Variants in CADPS observed in about 807,000 individuals in gnomAD.
CADPS encodes the protein calcium dependent secretion activator.
Under a neutral mutation model 167.3 loss-of-function variants are expected in CADPS, and 57 were observed. That is an observed-to-expected ratio of 0.34 (90% CI 0.28 to 0.42). The LOEUF (loss-of-function observed/expected upper bound fraction) is 0.42. Ranked by LOEUF, CADPS falls within the 20% of genes least tolerant of loss-of-function variation. CADPS has a pLI of 1.00. For synonymous variants in CADPS, 676 were observed against 635.3 expected (o/e 1.06, Z -0.96); for missense variants, 1,414 against 1,738.1 (o/e 0.81, Z 3.32).
At chr3:62,871,861 T>C (rs1365239054) in intron 1 of CADPS, among the ~76,000 whole-genome samples, 1 of 152,192 alleles carries the variant, frequency 6.6e-6, no homozygotes, top group Non-Finnish European at 1.5e-5. Flanking sequence ...GAACTCTCTG[T>C]ACCGTATATC....
At chr3:62,768,458 T>C (rs2087542021) in intron 1 of CADPS, among the ~76,000 whole-genome samples, 1 of 152,200 alleles carries the variant, frequency 6.6e-6, no homozygotes, top group Non-Finnish European at 1.5e-5. Context: ...GCACATACCA[T>C]ATGAATGATC....
At chr3:62,734,848 C>A (rs1052541955) in intron 3 of CADPS, among the ~76,000 whole-genome samples, 2 of 152,258 alleles carry the variant, frequency 1.3e-5, no homozygotes, top group Non-Finnish European at 1.5e-5. Context: ...TTATCCTCCC[C>A]ATAGCAATGT....
At chr3:62,621,353 C>A (rs1275451563) in intron 6 of CADPS, among the ~76,000 whole-genome samples, 2 of 152,020 alleles carry the variant, frequency 1.3e-5, no homozygotes, top group African/African-American at 4.8e-5. Context: ...GAACATCCAC[C>A]TTCAAGGAAT....
At chr3:62,471,144 T>C (rs1018909157) in intron 24 of CADPS, among the ~76,000 whole-genome samples, 2 of 152,286 alleles carry the variant, frequency 1.3e-5, no homozygotes, top group Middle Eastern at 3.4e-3. Context: ...CAGCAAATGA[T>C]GACACATCGT....
At chr3:62,451,251 CT>C (rs1482632213) in intron 26 of CADPS, among the ~76,000 whole-genome samples, 1 of 152,074 alleles carries the variant, frequency 6.6e-6, no homozygotes, top group African/African-American at 2.4e-5. Context: ...CCAAGGTAAT[CT>C]TTTCATTGAG....
intron 6 of CADPS, among the ~76,000 whole-genome samples, chr3:62,617,970 A>G (rs1437484134): frequency 6.6e-6 from 1 of 152,032 alleles, no homozygotes; most frequent in African/African-American, 2.4e-5. Flanking sequence ...CTTGGTACAC[A>G]TGGTTTGGGT....
intron 6 of CADPS, among the ~76,000 whole-genome samples, chr3:62,638,204 T>C (rs1434401716): frequency 1.3e-5 from 2 of 152,000 alleles, no homozygotes. Context: ...GCTCTGGCTC[T>C]CAATTTTGTA....
At chr3:62,616,788 T>G (rs2062382978) in intron 6 of CADPS, among the ~76,000 whole-genome samples, 1 of 152,204 alleles carries the variant, frequency 6.6e-6, no homozygotes, top group Non-Finnish European at 1.5e-5. Context: ...TCACCAAGGC[T>G]GAGGAAAGTT....
intron 13 of CADPS, among the ~76,000 whole-genome samples, chr3:62,520,315 A>G (rs1218982679): frequency 1.3e-5 from 2 of 152,212 alleles, no homozygotes. Flanking sequence ...CATTTAGTGT[A>G]TGCTTGGCCT....
At chr3:62,871,363 G>A (rs1042835715) in intron 1 of CADPS, among the ~76,000 whole-genome samples, 4 of 152,056 alleles carry the variant, frequency 2.6e-5, no homozygotes, top group Admixed American at 2.6e-4. Flanking sequence ...TTATACTTAA[G>A]CATCCACTTT....
At chr3:62,676,378 T>C (rs1443764100) in intron 3 of CADPS, among the ~76,000 whole-genome samples, 1 of 152,244 alleles carries the variant, frequency 6.6e-6, no homozygotes, top group East Asian at 1.9e-4. Flanking sequence ...ACTGTCAATA[T>C]CCTAACATGG....
intron 1 of CADPS, among the ~76,000 whole-genome samples, chr3:62,776,681 G>A (rs950249736): frequency 1.3e-5 from 2 of 151,942 alleles, no homozygotes; most frequent in African/African-American, 2.4e-5. Context: ...AACAACAAAA[G>A]CATGCAGAAT....
chr3:62,435,977 TAATTAATTA>T (rs1305728319), intron 28 of CADPS, among the ~76,000 whole-genome samples: 1 of 152,066 alleles, frequency 6.6e-6, no homozygotes, highest in Non-Finnish European at 1.5e-5. Flanking sequence ...ATTAATTAAT[TAATTAATTA>T]AAGGCTGGAG....
At chr3:62,687,453 A>G (rs2078255774) in intron 3 of CADPS, among the ~76,000 whole-genome samples, 1 of 152,054 alleles carries the variant, frequency 6.6e-6, no homozygotes, top group African/African-American at 2.4e-5. Flanking sequence ...CGTTAATAAG[A>G]CCTAAGAAAA....
chr3:62,429,510 G>A (rs1201819792), intron 28 of CADPS, among the ~76,000 whole-genome samples: 1 of 152,144 alleles, frequency 6.6e-6, no homozygotes, highest in Admixed American at 6.5e-5. Context: ...ATAGTTACTT[G>A]TTTAATAAAT....
At chr3:62,550,820 C>T (rs1233165305) in intron 10 of CADPS, 3 of 456,504 alleles carry the variant, frequency 6.6e-6, no homozygotes, top group African/African-American at 6.0e-5. Context: ...TGATTAAAAG[C>T]CCTCATTTTA....
At chr3:62,727,271 A>T (rs2076914280) in intron 3 of CADPS, among the ~76,000 whole-genome samples, 1 of 151,954 alleles carries the variant, frequency 6.6e-6, no homozygotes. Context: ...GTGAAGGAGA[A>T]CAAACTACTG....
At chr3:62,518,126 G>A in intron 14 of CADPS, 23 bp downstream of exon 14, 1 of 1,543,278 alleles carries the variant, frequency 6.5e-7, no homozygotes, top group Non-Finnish European at 8.9e-7. Flanking sequence ...CCTAATTAAA[G>A]CTCTCCAGCC....
At position 62,487,229 on chromosome 3, in the gene CADPS, G is replaced by A. The variant is rs533547887; in HGVS notation, c.3026+4110C>T. On this transcript the variant is annotated intron_variant, in intron 21 of 29. Coordinates refer to ENST00000383710, the MANE Select transcript of CADPS (RefSeq NM_003716.4). ...CTGTCAGGGAAAAGGTAGTAGGCAA[G>A]GGTGGTGGAGCTACTAGACTTGGTA... 8.3e-4 allele frequency among the ~76,000 whole-genome samples: 126 copies of A among 152,310 alleles called. 3 individuals are homozygous for A. In the South Asian group the frequency reaches 0.024, roughly 29 times the overall value.
Sources: gnomAD v4.1 joint callset for allele counts (sites outside exome capture counted in the v4.1 genomes callset) on GRCh38, gnomAD v4.1.1 for gene constraint, MANE v1.5 for transcripts, NCBI Gene and HGNC (gene_info 2026-07-23, HGNC 2026-07-21) for gene names.